Variants in QTMAN observed in about 807,000 individuals in gnomAD.
The protein encoded by QTMAN is queuosine-tRNA mannosyltransferase.
the QTMAN span, among the ~76,000 whole-genome samples, chr2:144,160,833 T>C: frequency 6.6e-6 from 1 of 152,144 alleles, no homozygotes; most frequent in Admixed American, 6.6e-5. Flanking sequence ...AATGAATTCT[T>C]ACACACAACT....
the QTMAN span, among the ~76,000 whole-genome samples, chr2:144,058,977 A>G: frequency 6.6e-6 from 1 of 152,222 alleles, no homozygotes; most frequent in Non-Finnish European, 1.5e-5. Context: ...GAACTCCATC[A>G]CAGTTAAATA....
the QTMAN span, among the ~76,000 whole-genome samples, chr2:143,987,819 A>G: frequency 6.6e-6 from 1 of 152,216 alleles, no homozygotes; most frequent in African/African-American, 2.4e-5. Flanking sequence ...TCTAAACAAC[A>G]GTTTTGAAGA....
At chr2:144,184,130 G>GT in the QTMAN span, among the ~76,000 whole-genome samples, 1 of 152,224 alleles carries the variant, frequency 6.6e-6, no homozygotes, top group Admixed American at 6.5e-5. Context: ...TAAAATAGGA[G>GT]TTTTTTATTA....
the QTMAN span, among the ~76,000 whole-genome samples, chr2:144,182,876 TATATATATTTTATA>T: frequency 1.3e-5 from 1 of 79,772 alleles, no homozygotes; most frequent in African/African-American, 6.2e-5. Flanking sequence ...ATATATATTA[TATATATATTTTATA>T]TATATATATA....
At chr2:144,299,964 C>T in the QTMAN span, among the ~76,000 whole-genome samples, 15 of 152,200 alleles carry the variant, frequency 9.9e-5, no homozygotes, top group African/African-American at 3.6e-4. Context: ...ACATATGCTA[C>T]AACATGAATG....
At chr2:144,304,445 A>C in the QTMAN span, among the ~76,000 whole-genome samples, 2 of 152,202 alleles carry the variant, frequency 1.3e-5, no homozygotes, top group East Asian at 3.8e-4. Flanking sequence ...CCATCAGCAA[A>C]CCAAAAATTA....
the QTMAN span, among the ~76,000 whole-genome samples, chr2:144,113,253 A>G: frequency 6.6e-6 from 1 of 152,198 alleles, no homozygotes; most frequent in East Asian, 1.9e-4. Flanking sequence ...GAGGGAAAAA[A>G]AATAAGAAAG....
the QTMAN span, among the ~76,000 whole-genome samples, chr2:144,232,528 A>G: frequency 2.0e-5 from 3 of 152,178 alleles, no homozygotes; most frequent in African/African-American, 7.2e-5. Context: ...ACAAAAATAC[A>G]TGAGTTTTTC....
chr2:144,221,258 C>T, the QTMAN span, among the ~76,000 whole-genome samples: 2 of 152,164 alleles, frequency 1.3e-5, no homozygotes, highest in Admixed American at 6.5e-5. Flanking sequence ...TCTTTTGATT[C>T]AGCAATACCA....
At chr2:144,213,283 T>G in the QTMAN span, among the ~76,000 whole-genome samples, 8 of 152,284 alleles carry the variant, frequency 5.3e-5, no homozygotes, top group Admixed American at 1.3e-4. Context: ...GTGAACTACA[T>G]TTTTGTCTAC....
chr2:144,277,532 G>A, the QTMAN span, among the ~76,000 whole-genome samples: 1 of 152,006 alleles, frequency 6.6e-6, no homozygotes, highest in Non-Finnish European at 1.5e-5. Flanking sequence ...GCAAAACTGT[G>A]AAGTTAAAAA....
the QTMAN span, among the ~76,000 whole-genome samples, chr2:143,949,066 A>C: frequency 6.6e-6 from 1 of 152,052 alleles, no homozygotes; most frequent in African/African-American, 2.4e-5. Context: ...AGAAACATTT[A>C]ATTTTTGCAT....
At chr2:144,278,346 T>A in the QTMAN span, among the ~76,000 whole-genome samples, 2 of 152,190 alleles carry the variant, frequency 1.3e-5, no homozygotes, top group Non-Finnish European at 2.9e-5. Flanking sequence ...CCTCATGATT[T>A]CTAAGTGCAA....
the QTMAN span, among the ~76,000 whole-genome samples, chr2:144,007,987 C>G: frequency 3.9e-5 from 6 of 152,080 alleles, no homozygotes; most frequent in Non-Finnish European, 2.9e-5. Flanking sequence ...TCCTGGGCAT[C>G]TGAATATACT....
chr2:144,076,739 C>A, the QTMAN span, among the ~76,000 whole-genome samples: 315 of 152,178 alleles, frequency 2.1e-3, 1 homozygote, highest in Admixed American at 3.1e-3. Flanking sequence ...CAATCATAAT[C>A]CTAAACTTTA....
chr2:144,062,186 C>G, the QTMAN span, among the ~76,000 whole-genome samples: 4 of 152,226 alleles, frequency 2.6e-5, no homozygotes, highest in Non-Finnish European at 5.9e-5. Context: ...TGTAACACCC[C>G]TAGACCCTGC....
At chr2:144,065,891 T>C in the QTMAN span, among the ~76,000 whole-genome samples, 1 of 150,388 alleles carries the variant, frequency 6.6e-6, no homozygotes, top group South Asian at 2.1e-4. Flanking sequence ...CATGTCAGAG[T>C]GGGTAGTGGT....
At chr2:144,030,634 A>G in the QTMAN span, among the ~76,000 whole-genome samples, 2 of 152,200 alleles carry the variant, frequency 1.3e-5, no homozygotes, top group African/African-American at 2.4e-5. Context: ...ACGAAGGAAG[A>G]AGGAAGTCTT....
At chr2:144,069,764 TAAG>T in the QTMAN span, among the ~76,000 whole-genome samples, 1 of 152,060 alleles carries the variant, frequency 6.6e-6, no homozygotes, top group African/African-American at 2.4e-5. Flanking sequence ...TATTGACAAA[TAAG>T]AACTTCAGCA....
Sources: gnomAD v4.1 joint callset for allele counts (sites outside exome capture counted in the v4.1 genomes callset) on GRCh38, gnomAD v4.1.1 for gene constraint, MANE v1.5 for transcripts, NCBI Gene and HGNC (gene_info 2026-07-23, HGNC 2026-07-21) for gene names.